Variants in KIF17 observed in about 807,000 individuals in gnomAD.
The protein encoded by KIF17 is kinesin family member 17.
Under a neutral mutation model 96.8 loss-of-function variants are expected in KIF17, and 80 were observed. The ratio of observed to expected loss-of-function variants is 0.83; its 90% CI spans 0.69 to 1.00. KIF17 has a LOEUF of 1.00. Ranked by LOEUF, KIF17 falls within the 50% of genes least tolerant of loss-of-function variation. The probability of loss-of-function intolerance (pLI) is 0.00; values close to 1 mark genes in which losing one functional copy is unlikely to be tolerated. For missense variants in KIF17, 1,280 were observed against 1,372.9 expected, an observed-to-expected ratio of 0.93 and a Z score of 1.07; for synonymous variants, 567 against 587.5, an observed-to-expected ratio of 0.97 and a Z score of 0.51.
intron 13 of KIF17, among the ~76,000 whole-genome samples, 200 bp from the exon 14 acceptor site, chr1:20,666,531 G>A (rs1045198683): frequency 6.6e-6 from 1 of 152,144 alleles, no homozygotes; most frequent in African/African-American, 2.4e-5. Flanking sequence ...CAGGCAGCTC[G>A]GGGCCAGGAA....
rs1368512150 is a variant in KIF17, at chr1:20,699,406, A to C, written c.1124-918T>G. On this transcript the variant is annotated intron_variant, in intron 5 of 14. Coordinates refer to ENST00000400463, the MANE Select transcript of KIF17 (RefSeq NM_001122819.3). This position sits in a 1 kb window ranked among gnomAD's most constrained non-coding sequence, Gnocchi z 4.3. ...TAGTAAAACCCCGTCTCTACCAAAA[A>C]AATACAAAAATTAGCTAGGCATGGT... 6.6e-6 allele frequency among the ~76,000 whole-genome samples: 1 copy of C among 152,140 alleles called. No homozygotes were observed. Among genetic ancestry groups the C allele is most frequent in the Non-Finnish European group, 1.5e-5 (1 of 68,040 alleles).
At chr1:20,714,326 C>G (rs1160836709) in intron 2 of KIF17, among the ~76,000 whole-genome samples, 2 of 130,780 alleles carry the variant, frequency 1.5e-5, no homozygotes, top group Non-Finnish European at 3.3e-5. Flanking sequence ...GACTCCGTCT[C>G]AAAAAAAAAA....
intron 10 of KIF17, among the ~76,000 whole-genome samples, chr1:20,684,399 C>A (rs1360546296): frequency 1.3e-5 from 2 of 152,336 alleles, no homozygotes; most frequent in African/African-American, 2.4e-5. Context: ...AGTTAAGTAA[C>A]CTAACAAAGC....
Position 20,682,696 on chromosome 1 carries a change from T to G in KIF17, c.2420A>C (p.Glu807Ala), listed in dbSNP as rs115257742. ...CAGCAGCTTGCTCTTGGCCCGCACT[T>G]CCTCCTGGATGGAGTCGTAGACGTT... is the stretch of plus-strand genomic sequence containing the variant. ...LLNVYDSIQE[E>A]VRAKSKLLEK... is the part of the protein sequence containing the mutation. The change falls in exon 11 of 15, where the codon GAA becomes GCA. Residue 807 changes from glutamate to alanine, a missense_variant. Physicochemically the swap from Glu to Ala is moderately radical, Grantham distance 107. Coordinates refer to ENST00000400463, the MANE Select transcript of KIF17 (RefSeq NM_001122819.3). 1.2e-3 allele frequency: 1,913 copies of G among 1,613,972 alleles called. 3 individuals are homozygous for G. The highest frequency in any genetic ancestry group is 1.4e-3 in the Non-Finnish European group (1,670 of 1,180,024).
intron 12 of KIF17, among the ~76,000 whole-genome samples, chr1:20,671,015 C>G (rs1312919498): frequency 1.3e-5 from 2 of 152,112 alleles, no homozygotes; most frequent in African/African-American, 2.4e-5. Context: ...TGTAAAGAAG[C>G]CCAGAGAGGG....
rs754041029 is a variant in KIF17, at chr1:20,666,351, C to G, written c.2791-20G>C. The G allele has an allele frequency of 2.5e-6, 4 of 1,570,788 alleles. No individual in the cohort carries two copies. The South Asian group carries it at 4.4e-5, about 17-fold the overall frequency. ...GTCCTCCTGCCGAGATGCAGATGCCCGTGGTCACGTCCCCTTGTTTGTGCC... is the reference window on the plus strand; with the variant it reads ...GTCCTCCTGCCGAGATGCAGATGCCGGTGGTCACGTCCCCTTGTTTGTGCC... On this transcript the variant is annotated intron_variant, in intron 13 of 14. Transcript: ENST00000400463.
rs949078938 is a variant in KIF17, at chr1:20,687,976, A to G, written c.1382-32T>C. The G allele has an allele frequency of 3.8e-6, 6 of 1,592,140 alleles. No individual in the cohort carries two copies. The highest frequency in any genetic ancestry group is 1.7e-5 in the Admixed American group (1 of 59,978). The stretch of plus-strand genomic sequence containing the variant: ...AATGGAGAACTTCCTTCAGGTTTTT[A>G]AAGGGTCAGAATGAGAGACCCTTCC... On this transcript the variant is annotated intron_variant, in intron 7 of 14. Transcript: ENST00000400463. This position sits in a 1 kb window ranked among gnomAD's most constrained non-coding sequence, Gnocchi z 4.4.
rs2054312611 is a variant in KIF17 at position 20,704,776 on chromosome 1, A to C, written c.794T>G (p.Leu265Arg). The change falls in exon 5 of 15, where the codon CTG becomes CGG. Residue 265 changes from leucine to arginine, a missense_variant. By Grantham distance (102) the Leu-to-Arg change is moderately radical. Coordinates refer to ENST00000400463, the MANE Select transcript of KIF17 (RefSeq NM_001122819.3). This position sits in a 1 kb window ranked among gnomAD's most constrained non-coding sequence, Gnocchi z 6.8. Reference protein sequence around the residue: ...ERLKEATKINLSLSALGNVIS... With the variant: ...ERLKEATKINRSLSALGNVIS... ...GACATTGCCCAGTGCCGAGAGCGAC[A>C]GGTTGATCTTGGTGGCCTCCTTGAG... 3 of 1,611,418 alleles carry C rather than the reference A, an allele frequency of 1.9e-6. No individual in the cohort carries two copies. Among genetic ancestry groups the C allele is most frequent in the Admixed American group, 1.7e-5 (1 of 59,984 alleles).
intron 6 of KIF17, among the ~76,000 whole-genome samples, chr1:20,692,273 G>A (rs1459281896): frequency 2.0e-5 from 3 of 150,880 alleles, no homozygotes; most frequent in Non-Finnish European, 2.9e-5. Context: ...CCCTCAGAGA[G>A]GCCTTCCCTG....
intron 5 of KIF17, among the ~76,000 whole-genome samples, chr1:20,703,571 T>G (rs79872915): frequency 0.014 from 2,041 of 149,464 alleles, 58 homozygotes; most frequent in African/African-American, 0.048. Context: ...TGGATGAGTG[T>G]GCAGATGGAT....
At chr1:20,670,397 C>A in intron 13 of KIF17, 24 bp downstream of exon 13, 1 of 1,611,036 alleles carries the variant, frequency 6.2e-7, no homozygotes, top group East Asian at 2.2e-5. Context: ...CCCGACACCC[C>A]ACTCCCTCTC....
intron 4 of KIF17, among the ~76,000 whole-genome samples, chr1:20,705,877 C>T (rs2154537316): frequency 6.9e-6 from 1 of 145,472 alleles, no homozygotes; most frequent in Admixed American, 6.9e-5. Flanking sequence ...AGTCTATAAT[C>T]CTCAGTAGGA....
At chr1:20,697,836 C>T (rs1031011853) in intron 6 of KIF17, among the ~76,000 whole-genome samples, 1 of 152,188 alleles carries the variant, frequency 6.6e-6, no homozygotes, top group Non-Finnish European at 1.5e-5. Context: ...TCGTCTGACC[C>T]GCTGCTTCCC....
chr1:20,679,578 G>T (rs2053795348), intron 11 of KIF17, among the ~76,000 whole-genome samples: 3 of 152,196 alleles, frequency 2.0e-5, no homozygotes, highest in Admixed American at 2.0e-4. Context: ...TGAGGCAGGA[G>T]TGGAGTCAGA....
rs531717554 is a variant in KIF17, at chr1:20,714,055, C to T, written c.379-500G>A. 2.2e-4 allele frequency among the ~76,000 whole-genome samples: 33 copies of T among 152,032 alleles called. No individual in the cohort carries two copies. The South Asian group carries it at 4.0e-3, about 18-fold the overall frequency. The stretch of plus-strand genomic sequence containing the variant: ...ATACAAAAATTAGCTAGGCCAAGCG[C>T]GGTGGCTCACGCCTGCAATCCCAGC... On this transcript the variant is annotated intron_variant, in intron 2 of 14. Coordinates refer to ENST00000400463, the MANE Select transcript of KIF17 (RefSeq NM_001122819.3).
intron 6 of KIF17, among the ~76,000 whole-genome samples, chr1:20,691,181 T>C (rs1161726437): frequency 6.6e-6 from 1 of 151,748 alleles, no homozygotes; most frequent in Non-Finnish European, 1.5e-5. Flanking sequence ...TGTAATCTGT[T>C]ACTGGGGAGG....
chr1:20,683,139 C>G (rs1206435563), intron 10 of KIF17, among the ~76,000 whole-genome samples: 1 of 152,182 alleles, frequency 6.6e-6, no homozygotes, highest in Non-Finnish European at 1.5e-5. Flanking sequence ...GCTCAGCTAA[C>G]CCACCCCTGA....
At position 20,687,674 on chromosome 1, in the gene KIF17, T is replaced by G; in HGVS notation, c.1652A>C (p.Glu551Ala). ...GGGCTCCTCAGGCCCAGGGAAAGCC[T>G]CGGACACAGAGGTTTCTTCGAGCGA... Reference protein sequence around the residue: ...SSSLEETSVSEAFPGPEEPSN... With the variant: ...SSSLEETSVSAAFPGPEEPSN... Residue 551 changes from glutamate to alanine, a missense_variant, in exon 8 of 15, where the codon GAG becomes GCG. By Grantham distance (107) the Glu-to-Ala change is moderately radical. Coordinates refer to ENST00000400463, the MANE Select transcript of KIF17 (RefSeq NM_001122819.3). This position sits in a 1 kb window ranked among gnomAD's most constrained non-coding sequence, Gnocchi z 4.4. 6.2e-7 allele frequency: 1 copy of G among 1,614,162 alleles called. No individual in the cohort carries two copies. The highest frequency in any genetic ancestry group is 1.1e-5 in the South Asian group (1 of 91,080).
chr1:20,689,345 G>A (rs2053995550), intron 7 of KIF17, among the ~76,000 whole-genome samples: 1 of 152,164 alleles, frequency 6.6e-6, no homozygotes. Flanking sequence ...ATCCTAGGGT[G>A]GCAAAAAGAA....
Sources: gnomAD v4.1 joint callset for allele counts (sites outside exome capture counted in the v4.1 genomes callset) on GRCh38, gnomAD v4.1.1 for gene constraint, Gnocchi (gnomAD v3.1) non-coding constraint, MANE v1.5 for transcripts, NCBI Gene and HGNC (gene_info 2026-07-23, HGNC 2026-07-21) for gene names.